Variants in ITGA1 observed in about 807,000 individuals in gnomAD.
ITGA1 encodes integrin alpha-1.
In ITGA1, 85 loss-of-function variants were observed where a neutral mutation model predicts 145.9. The observed-to-expected ratio is 0.58, with a 90% CI of 0.49 to 0.70. The LOEUF (loss-of-function observed/expected upper bound fraction) is 0.70, where lower values mean the gene tolerates loss of function less well. Among genes scored for constraint, ITGA1 ranks in the 30% least tolerant of loss-of-function variants. The pLI is 0.00. For missense variants in ITGA1, 1,351 were observed against 1,418.7 expected (o/e 0.95, Z 0.77); for synonymous variants, 520 against 495.3 (o/e 1.05, Z -0.66).
intron 8 of ITGA1, among the ~76,000 whole-genome samples, chr5:52,890,810 T>C (rs569765006): frequency 6.6e-6 from 1 of 152,326 alleles, no homozygotes; most frequent in Non-Finnish European, 1.5e-5. Context: ...TACTGAACAC[T>C]AGCTCTTATT....
intron 23 of ITGA1, among the ~76,000 whole-genome samples, chr5:52,934,308 AT>A (rs936344032): frequency 7.2e-5 from 11 of 151,754 alleles, no homozygotes; most frequent in African/African-American, 1.2e-4. Flanking sequence ...GAAAAAAAAA[AT>A]AAACTATGGG....
At chr5:52,820,075 A>G (rs1748851274) in intron 1 of ITGA1, among the ~76,000 whole-genome samples, 1 of 151,986 alleles carries the variant, frequency 6.6e-6, no homozygotes, top group Admixed American at 6.6e-5. Flanking sequence ...GAAGTCAGGT[A>G]GCATGATGCC....
intron 17 of ITGA1, among the ~76,000 whole-genome samples, chr5:52,922,564 C>A (rs971352978): frequency 6.6e-6 from 1 of 152,094 alleles, no homozygotes; most frequent in Admixed American, 6.6e-5. Flanking sequence ...GTCAACAGGT[C>A]ATACTCTGAA....
At chr5:52,844,171 G>A (rs564841414) in intron 1 of ITGA1, among the ~76,000 whole-genome samples, 112 of 151,992 alleles carry the variant, frequency 7.4e-4, no homozygotes, top group Middle Eastern at 3.4e-3. Context: ...ATTTGAATGG[G>A]AGCAAGTCTT....
intron 1 of ITGA1, chr5:52,804,157 A>G (rs1748545029): frequency 6.6e-6 from 1 of 152,194 alleles, no homozygotes; most frequent in African/African-American, 2.4e-5. Flanking sequence ...TAGAAGACAT[A>G]ATTATCTCTG....
At chr5:52,910,898 G>A (rs372377961) in intron 14 of ITGA1, among the ~76,000 whole-genome samples, 7 of 135,050 alleles carry the variant, frequency 5.2e-5, no homozygotes, top group Admixed American at 1.5e-4. Context: ...ACTATATATA[G>A]TATATACGGT....
chr5:52,910,695 A>G (rs1377305420), intron 14 of ITGA1, among the ~76,000 whole-genome samples: 2 of 147,334 alleles, frequency 1.4e-5, no homozygotes, highest in Non-Finnish European at 3.0e-5. Context: ...TATACTATAT[A>G]CACACTATAT....
At chr5:52,856,960 G>C (rs982336915) in intron 2 of ITGA1, among the ~76,000 whole-genome samples, 1 of 152,062 alleles carries the variant, frequency 6.6e-6, no homozygotes, top group African/African-American at 2.4e-5. Context: ...CACCAATTCT[G>C]TTCCACGTGG....
At chr5:52,886,380 A>G (rs1750047357) in intron 7 of ITGA1, among the ~76,000 whole-genome samples, 1 of 152,326 alleles carries the variant, frequency 6.6e-6, no homozygotes, top group South Asian at 2.1e-4. Context: ...CTGCTTAAAG[A>G]TATCAGTTAT....
intron 28 of ITGA1, among the ~76,000 whole-genome samples, chr5:52,948,264 A>G (rs1287284312): frequency 6.6e-6 from 1 of 152,222 alleles, no homozygotes; most frequent in Non-Finnish European, 1.5e-5. Context: ...TTAAATATCA[A>G]ATAAGCATTT....
chr5:52,819,389 G>A (rs1748830739), intron 1 of ITGA1, among the ~76,000 whole-genome samples: 1 of 152,148 alleles, frequency 6.6e-6, no homozygotes, highest in Admixed American at 6.5e-5. Flanking sequence ...GCATTTCTCT[G>A]ATGGCCAGTG....
chr5:52,906,274 G>T (rs1342259802), intron 12 of ITGA1, among the ~76,000 whole-genome samples: 1 of 152,126 alleles, frequency 6.6e-6, no homozygotes, highest in Non-Finnish European at 1.5e-5. Context: ...TGAAATTCGG[G>T]CTGAATCTAC....
chr5:52,929,194 C>G (rs977683069), intron 20 of ITGA1, among the ~76,000 whole-genome samples: 3 of 152,026 alleles, frequency 2.0e-5, no homozygotes, highest in Non-Finnish European at 4.4e-5. Flanking sequence ...TGGTGAGGGC[C>G]CATTTCATGC....
chr5:52,954,293 C>CA lies in ITGA1; in HGVS notation c.*1843dup, dbSNP rs1248385143. 1 of 152,190 alleles carries CA rather than the reference C, an allele frequency of 6.6e-6. No homozygotes were observed. Among genetic ancestry groups the CA allele is most frequent in the Admixed American group, 6.5e-5 (1 of 15,272 alleles). 9.4% of individuals were successfully genotyped at this position (152,190 alleles called of 1,614,324 possible). ...GCACACCCCCAGTGCTCAGCCTGCC[C>CA]AGAAGCCCTTCTCTGATCTCAGCAA... On this transcript the variant is annotated 3_prime_UTR_variant, in exon 29 of 29. Transcript: ENST00000282588.
At chr5:52,793,847 A>G (rs1436109792) in intron 1 of ITGA1, among the ~76,000 whole-genome samples, 2 of 152,034 alleles carry the variant, frequency 1.3e-5, no homozygotes, top group Non-Finnish European at 2.9e-5. Context: ...AGGTGACAAT[A>G]AAGTAATCAT....
chr5:52,791,553 T>A (rs539175864), intron 1 of ITGA1, among the ~76,000 whole-genome samples: 2 of 152,174 alleles, frequency 1.3e-5, no homozygotes, highest in Non-Finnish European at 2.9e-5. Context: ...AATGGCAAGA[T>A]CCAACCTTCC....
Position 52,905,871 on chromosome 5 carries a change from G to A in ITGA1, c.1418G>A (p.Gly473Glu), listed in dbSNP as rs1750395029. The change falls in exon 12 of 29, where the codon GGA (glycine) becomes GAA (glutamate). Residue 473 changes from glycine (G) to glutamate (E), a missense_variant. Coordinates refer to ENST00000282588, the MANE Select transcript of ITGA1 (RefSeq NM_181501.2). ...GQVIIYRMED[G>E]NIKILQTLSG... is the part of the protein sequence containing the mutation. ...GTCATTATCTACAGGATGGAAGATGGAAACATCAAAATTCTCCAGACGCTC... is the reference window on the plus strand; with the variant it reads ...GTCATTATCTACAGGATGGAAGATGAAAACATCAAAATTCTCCAGACGCTC... 4.3e-6 allele frequency: 7 copies of A among 1,613,278 alleles called. No individual in the cohort carries two copies. Among genetic ancestry groups the A allele is most frequent in the Non-Finnish European group, 5.9e-6 (7 of 1,179,578 alleles).
intron 1 of ITGA1, among the ~76,000 whole-genome samples, chr5:52,815,419 A>T (rs536564316): frequency 6.6e-6 from 1 of 152,204 alleles, no homozygotes; most frequent in Non-Finnish European, 1.5e-5. Flanking sequence ...TGTTTATCTG[A>T]AATTCAAATG....
At chr5:52,938,657 T>C (rs897830193) in intron 24 of ITGA1, among the ~76,000 whole-genome samples, 1 of 152,208 alleles carries the variant, frequency 6.6e-6, no homozygotes, top group Non-Finnish European at 1.5e-5. Flanking sequence ...TTGACAGTAC[T>C]GGGGAAGCAA....
Sources: gnomAD v4.1 joint callset for allele counts (sites outside exome capture counted in the v4.1 genomes callset) on GRCh38, gnomAD v4.1.1 for gene constraint, MANE v1.5 for transcripts, NCBI Gene and HGNC (gene_info 2026-07-23, HGNC 2026-07-21) for gene names.